The following MEI4 variants were observed in gnomAD, a reference collection of about 807,000 sequenced individuals.
The protein encoded by MEI4 is meiosis-specific protein MEI4.
In MEI4, 27 loss-of-function variants were observed where a neutral mutation model predicts 31.4. The observed-to-expected ratio is 0.86, with a 90% CI of 0.63 to 1.19. The LOEUF (loss-of-function observed/expected upper bound fraction) is 1.19, where lower values mean the gene tolerates loss of function less well. Among genes scored for constraint, MEI4 ranks in the 50% most tolerant of loss-of-function variants. MEI4 has a pLI of 0.00. For missense variants in MEI4, 329 were observed against 398.9 expected (o/e 0.82, Z 1.49); for synonymous variants, 122 against 145.4 (o/e 0.84, Z 1.16).
chr6:77,650,327 C>G (rs896117399), upstream of MEI4, among the ~76,000 whole-genome samples: 3 of 152,182 alleles, frequency 2.0e-5, no homozygotes, highest in Non-Finnish European at 4.4e-5. Context: ...CTCGGAACAG[C>G]CCGCCAAGAG....
chr6:77,913,725 T>G (rs1044033229), intron 4 of MEI4, among the ~76,000 whole-genome samples: 1 of 151,746 alleles, frequency 6.6e-6, no homozygotes, highest in African/African-American at 2.4e-5. Context: ...TTGTTTAGTT[T>G]TTTTTTTTTT....
At chr6:77,892,998 G>A (rs970256471) in intron 4 of MEI4, among the ~76,000 whole-genome samples, 3 of 152,108 alleles carry the variant, frequency 2.0e-5, no homozygotes, top group African/African-American at 7.2e-5. Context: ...AGCCTGCAGT[G>A]GGGATGTCTG....
chr6:77,900,622 G>T (rs1352277022), intron 4 of MEI4, among the ~76,000 whole-genome samples: 4 of 151,942 alleles, frequency 2.6e-5, no homozygotes, highest in Non-Finnish European at 5.9e-5. Context: ...TCTGTGATAG[G>T]TACTGAAGGC....
chr6:77,729,901 G>C (rs1283828586), intron 2 of MEI4, among the ~76,000 whole-genome samples: 5 of 152,138 alleles, frequency 3.3e-5, no homozygotes, highest in Non-Finnish European at 7.3e-5. Flanking sequence ...TAGATGCATG[G>C]TAGAAATGAA....
intron 3 of MEI4, among the ~76,000 whole-genome samples, chr6:77,784,871 C>T (rs1025289429): frequency 2.0e-5 from 3 of 152,132 alleles, no homozygotes; most frequent in African/African-American, 4.8e-5. Flanking sequence ...CTAGGCAACT[C>T]GTATTAATCC....
chr6:77,864,995 G>T (rs1438698148), intron 4 of MEI4, among the ~76,000 whole-genome samples: 3 of 152,198 alleles, frequency 2.0e-5, no homozygotes, highest in Non-Finnish European at 4.4e-5. Context: ...GGTACATAAT[G>T]AAATGAAGGC....
intron 3 of MEI4, 42 bp from the exon 4 acceptor site, chr6:77,828,889 T>C: frequency 8.2e-7 from 1 of 1,226,562 alleles, no homozygotes; most frequent in Non-Finnish European, 1.0e-6. Flanking sequence ...CATTTTGATT[T>C]GACGTGATGG....
At position 77,923,505 on chromosome 6, in the gene MEI4, T is replaced by C; in HGVS notation, c.*159T>C. 1 of 613,588 alleles carries C rather than the reference T, an allele frequency of 1.6e-6. No individual in the cohort carries two copies. The highest frequency in any genetic ancestry group is 2.3e-6 in the Non-Finnish European group (1 of 429,782). 38.0% of individuals were successfully genotyped at this position (613,588 alleles called of 1,614,324 possible). Reference sequence around the variant, plus strand: ...ACTTAATGGTTAGTCTTAAATTGTATGAAATTTTATGAGTCATATTTCTAT... The same window carrying C: ...ACTTAATGGTTAGTCTTAAATTGTACGAAATTTTATGAGTCATATTTCTAT... On this transcript the variant is annotated 3_prime_UTR_variant, in exon 5 of 5. Coordinates refer to ENST00000684080, the MANE Select transcript of MEI4 (RefSeq NM_001322247.2).
chr6:77,674,629 G>GT (rs1768806592), intron 1 of MEI4, among the ~76,000 whole-genome samples: 1 of 52,838 alleles, frequency 1.9e-5, no homozygotes, highest in South Asian at 5.5e-4. Context: ...TACTTTCTAT[G>GT]AGTTGGCATA....
chr6:77,753,632 A>T (rs1396005858), intron 2 of MEI4, among the ~76,000 whole-genome samples: 1 of 152,216 alleles, frequency 6.6e-6, no homozygotes, highest in Non-Finnish European at 1.5e-5. Flanking sequence ...GAGAAATAGG[A>T]ATGCTTTTAC....
chr6:77,814,768 C>G (rs990139562), intron 3 of MEI4, among the ~76,000 whole-genome samples: 2 of 151,954 alleles, frequency 1.3e-5, no homozygotes, highest in Non-Finnish European at 2.9e-5. Context: ...CATACCTTCC[C>G]TTTTCCCCCT....
rs140483826 is a variant in MEI4 at position 77,730,876 on chromosome 6, T to A, written c.233-30254T>A. On this transcript the variant is annotated intron_variant, in intron 2 of 4. Coordinates refer to ENST00000684080, the MANE Select transcript of MEI4 (RefSeq NM_001322247.2). ...CCCGCCTATGAGTGAGAATATGCAG[T>A]GTTTGGTTTTTTGTTCTTACGATAG... Among the ~76,000 whole-genome samples, 1,343 of 149,346 alleles carry A rather than the reference T, an allele frequency of 9.0e-3. 22 individuals carry two copies. Among genetic ancestry groups the A allele is most frequent in the African/African-American group, 0.031 (1,245 of 40,140 alleles).
chr6:77,876,270 G>A (rs1771335483), intron 4 of MEI4, among the ~76,000 whole-genome samples: 1 of 152,136 alleles, frequency 6.6e-6, no homozygotes, highest in African/African-American at 2.4e-5. Flanking sequence ...TAAGAGGCGG[G>A]GCCTTTAAGA....
At chr6:77,857,680 G>A (rs1410297957) in intron 4 of MEI4, among the ~76,000 whole-genome samples, 1 of 152,152 alleles carries the variant, frequency 6.6e-6, no homozygotes, top group African/African-American at 2.4e-5. Context: ...TGCAAATTTT[G>A]TTAGGCTGAG....
At chr6:77,900,450 C>T (rs1766164920) in intron 4 of MEI4, among the ~76,000 whole-genome samples, 1 of 151,954 alleles carries the variant, frequency 6.6e-6, no homozygotes, top group Non-Finnish European at 1.5e-5. Flanking sequence ...AAAGACATAG[C>T]TCTAGACTAT....
In MEI4 at chr6:77,719,412, C is replaced by G. The variant is rs1179809945; in HGVS notation, c.232+28509C>G. ...CTACAGATGGGACTGACAATAGGTA[C>G]TTCTACCAACCAATTTTGGACTGCA... On this transcript the variant is annotated intron_variant, in intron 2 of 4. Coordinates refer to ENST00000684080, the MANE Select transcript of MEI4 (RefSeq NM_001322247.2). Among the ~76,000 whole-genome samples, 6 of 125,354 alleles carry G rather than the reference C, an allele frequency of 4.8e-5. 1 individual carries two copies. The highest frequency in any genetic ancestry group is 1.6e-4 in the Admixed American group (2 of 12,240). The allele number at this position is 125,354 out of a possible 152,430, so 82.2% of individuals were successfully genotyped here. A position where few individuals can be genotyped will look rare whatever the true frequency, so the allele number is the denominator to read the frequency against.
In MEI4 at chr6:77,761,577, G is replaced by A. The variant is rs78645594; in HGVS notation, c.680G>A (p.Ser227Asn). The change falls in exon 3 of 5, where the codon AGT becomes AAT. Residue 227 changes from serine to asparagine, a missense_variant. Ser to Asn is a conservative substitution (Grantham distance 46). Coordinates refer to ENST00000684080, the MANE Select transcript of MEI4 (RefSeq NM_001322247.2). ...CTGATCAGTGACTATAACTTATCTA[G>A]TCATATTCTTAAAAAGTGTTCCAAG... Reference protein sequence around the residue: ...ASLISDYNLSSHILKKCSKKL... With the variant: ...ASLISDYNLSNHILKKCSKKL... The A allele has an allele frequency of 2.4e-3, 2,971 of 1,231,882 alleles. 58 individuals carry two copies. The African/African-American group carries it at 0.042, about 17-fold the overall frequency. 76.3% of individuals were successfully genotyped at this position (1,231,882 alleles called of 1,614,324 possible).
At chr6:77,866,677 A>G (rs1482642542) in intron 4 of MEI4, among the ~76,000 whole-genome samples, 2 of 152,218 alleles carry the variant, frequency 1.3e-5, no homozygotes, top group East Asian at 3.8e-4. Context: ...ATTCAGTGCC[A>G]TCCCCATCAA....
At chr6:77,784,535 CATTCCT>C (rs1469789574) in intron 3 of MEI4, among the ~76,000 whole-genome samples, 1 of 152,144 alleles carries the variant, frequency 6.6e-6, no homozygotes, top group Admixed American at 6.6e-5. Context: ...CATGAGACTT[CATTCCT>C]TGCAAATTAA....
Sources: gnomAD v4.1 joint callset for allele counts (sites outside exome capture counted in the v4.1 genomes callset) on GRCh38, gnomAD v4.1.1 for gene constraint, MANE v1.5 for transcripts, NCBI Gene and HGNC (gene_info 2026-07-23, HGNC 2026-07-21) for gene names.